The following EML5 variants were observed in gnomAD, a reference collection of about 807,000 sequenced individuals.
The protein encoded by EML5 is EMAP like 5.
EML5 carries 120 observed loss-of-function variants against 250.0 expected under a neutral mutation model. That is an observed-to-expected ratio of 0.48 (90% confidence interval 0.41 to 0.56). EML5 has a LOEUF of 0.56. Ranked by LOEUF, EML5 falls within the 20% of genes least tolerant of loss-of-function variation. The probability of loss-of-function intolerance (pLI) is 0.00; values close to 1 mark genes in which losing one functional copy is unlikely to be tolerated. For missense variants in EML5, 2,006 were observed against 2,437.6 expected (o/e 0.82, Z 3.73); for synonymous variants, 771 against 806.5 (o/e 0.96, Z 0.75).
chr14:88,674,838 G>A (rs563291082), intron 21 of EML5, among the ~76,000 whole-genome samples: 1 of 152,282 alleles, frequency 6.6e-6, no homozygotes, highest in East Asian at 1.9e-4. Flanking sequence ...ACAGGCATTG[G>A]ATAATACAGC....
Position 88,769,637 on chromosome 14 carries a change from C to CA in EML5, c.198-14967dup, listed in dbSNP as rs528100096. On this transcript the variant is annotated intron_variant, in intron 1 of 43. Coordinates refer to ENST00000554922, the MANE Select transcript of EML5 (RefSeq NM_183387.3). ...CTGAATTCAATTAAAACCTTATTTA[C>CA]AAAAAATAGGTGACACGCCAGATTG... 2.2e-4 allele frequency among the ~76,000 whole-genome samples: 33 copies of CA among 152,134 alleles called. 1 individual carries two copies. In the South Asian group the frequency reaches 6.7e-3, roughly 31 times the overall value.
At chr14:88,781,161 G>T (rs2094494105) in intron 1 of EML5, among the ~76,000 whole-genome samples, 1 of 152,286 alleles carries the variant, frequency 6.6e-6, no homozygotes, top group East Asian at 1.9e-4. Flanking sequence ...AAAGATGACT[G>T]ATACAAATAC....
chr14:88,731,208 A>G (rs9707245), intron 7 of EML5, among the ~76,000 whole-genome samples: 89,820 of 139,914 alleles, frequency 0.64, 30,590 homozygotes, highest in East Asian at 0.94. Context: ...TCCTAATGTT[A>G]TCCCTCCCCC....
At chr14:88,752,910 A>C (rs1178807244) in intron 2 of EML5, among the ~76,000 whole-genome samples, 2 of 152,148 alleles carry the variant, frequency 1.3e-5, no homozygotes, top group Admixed American at 1.3e-4. Context: ...TCCCCTCTCC[A>C]GTTCGCCATA....
chr14:88,616,218 G>T lies in EML5; in HGVS notation c.5821C>A (p.His1941Asn). The T allele has an allele frequency of 6.2e-7, 1 of 1,613,830 alleles. No individual in the cohort carries two copies. Among genetic ancestry groups the T allele is most frequent in the South Asian group, 1.1e-5 (1 of 91,034 alleles). Residue 1941 changes from histidine (H) to asparagine (N), a missense_variant, in exon 43 of 44, where the codon CAT (histidine) becomes AAT (asparagine). This residue lies in a region of EML5 where 56 missense variants were observed against 55.1 expected (regional missense o/e 1.02). Coordinates refer to ENST00000554922, the MANE Select transcript of EML5 (RefSeq NM_183387.3). ...CGAATATTTGTCACATGGGGCGAATGACCCAAGAACCTTTTGTGTTTTGCC... is the reference window on the plus strand; with the variant it reads ...CGAATATTTGTCACATGGGGCGAATTACCCAAGAACCTTTTGTGTTTTGCC... ...KFAKHKRFLG[H>N]SPHVTNIRFT...
intron 21 of EML5, among the ~76,000 whole-genome samples, chr14:88,673,117 A>C (rs951785606): frequency 2.0e-5 from 3 of 152,232 alleles, no homozygotes; most frequent in Non-Finnish European, 2.9e-5. Context: ...ATGACTGAAG[A>C]ATATTGATGC....
At chr14:88,778,267 G>A (rs2140724417) in intron 1 of EML5, among the ~76,000 whole-genome samples, 1 of 152,068 alleles carries the variant, frequency 6.6e-6, no homozygotes, top group East Asian at 1.9e-4. Context: ...TAACAAAACA[G>A]CAAGAGAAAG....
chr14:88,712,137 G>C (rs1006400616), intron 10 of EML5, 134 bp downstream of exon 10: 11 of 641,518 alleles, frequency 1.7e-5, no homozygotes, highest in Admixed American at 8.9e-5. Context: ...TTTTGAATTA[G>C]AAAAATGAAA....
chr14:88,614,361 C>T lies in EML5; in HGVS notation c.*1457G>A, dbSNP rs2087277288. ...TTAGCCCCATAATCAGTCCTTCAGC[C>T]ACAGCTATTTAGAGCTTTAAAACTA... is the stretch of plus-strand genomic sequence containing the variant. On this transcript the variant is annotated 3_prime_UTR_variant, in exon 44 of 44. Coordinates refer to ENST00000554922, the MANE Select transcript of EML5 (RefSeq NM_183387.3). 6.6e-6 allele frequency: 1 copy of T among 152,186 alleles called. No individual in the cohort carries two copies. Among genetic ancestry groups the T allele is most frequent in the South Asian group, 2.1e-4 (1 of 4,830 alleles). The allele number at this position is 152,186 out of a possible 1,614,324, so 9.4% of individuals were successfully genotyped here.
chr14:88,776,504 G>A (rs2094448194), intron 1 of EML5, among the ~76,000 whole-genome samples: 1 of 151,924 alleles, frequency 6.6e-6, no homozygotes, highest in South Asian at 2.1e-4. Flanking sequence ...TCCTTTAATA[G>A]CAGAATTGAT....
intron 16 of EML5, 102 bp downstream of exon 16, chr14:88,695,259 G>A: frequency 2.5e-6 from 2 of 804,856 alleles, no homozygotes; most frequent in Non-Finnish European, 3.9e-6. Context: ...GCAATAAAAA[G>A]TTACATATTT....
intron 14 of EML5, among the ~76,000 whole-genome samples, chr14:88,700,469 T>A (rs529027873): frequency 6.6e-6 from 1 of 152,106 alleles, no homozygotes; most frequent in Admixed American, 6.6e-5. Flanking sequence ...CCTGAGTTAT[T>A]TTCAGGAAAC....
intron 2 of EML5, among the ~76,000 whole-genome samples, chr14:88,748,246 AAAG>A (rs1295905002): frequency 1.3e-5 from 2 of 152,228 alleles, no homozygotes; most frequent in African/African-American, 4.8e-5. Flanking sequence ...GAGGTCATGC[AAAG>A]AAGAAATTCT....
chr14:88,615,780 G>C lies in EML5; in HGVS notation c.*38C>G. The C allele has an allele frequency of 1.9e-6, 3 of 1,598,790 alleles. No homozygotes were observed. The highest frequency in any genetic ancestry group is 2.6e-6 in the Non-Finnish European group (3 of 1,172,050). ...TTTGGTTTTTCTTCTCTGTAATTCT[G>C]GTCTCAAAGTTAATTTCTGTAGTCA... On this transcript the variant is annotated 3_prime_UTR_variant, in exon 44 of 44. Coordinates refer to ENST00000554922, the MANE Select transcript of EML5 (RefSeq NM_183387.3).
In EML5 at chr14:88,792,538, C is replaced by G. The variant is rs1462988823; in HGVS notation, c.-35G>C. The G allele has an allele frequency of 1.6e-6, 2 of 1,242,506 alleles. No individual in the cohort carries two copies. Among genetic ancestry groups the G allele is most frequent in the Non-Finnish European group, 2.0e-6 (2 of 988,342 alleles). 77.0% of individuals were successfully genotyped at this position (1,242,506 alleles called of 1,614,324 possible). A position where few individuals can be genotyped will look rare whatever the true frequency, so the allele number is the denominator to read the frequency against. On this transcript the variant is annotated 5_prime_UTR_variant, in exon 1 of 44. Coordinates refer to ENST00000554922, the MANE Select transcript of EML5 (RefSeq NM_183387.3). The surrounding 1 kb of genome is among the most constrained non-coding windows in gnomAD (Gnocchi z 6.9). ...CCCACCCGCCGCTCCCGCTCGGGCC[C>G]GCGGCGGCGACGGGAGGCGGCGGCG...
chr14:88,616,499 TG>T, intron 42 of EML5: 1 of 602,434 alleles, frequency 1.7e-6, no homozygotes, highest in Non-Finnish European at 2.9e-6. Flanking sequence ...ATTATAGGTT[TG>T]GTGAAAAGCT....
intron 21 of EML5, among the ~76,000 whole-genome samples, chr14:88,676,546 A>G (rs1173954150): frequency 6.6e-6 from 1 of 152,186 alleles, no homozygotes; most frequent in Non-Finnish European, 1.5e-5. Context: ...CAGCCAAACT[A>G]TATCACTGCT....
chr14:88,628,882 T>C (rs185245830), intron 33 of EML5, among the ~76,000 whole-genome samples: 16 of 152,134 alleles, frequency 1.1e-4, no homozygotes, highest in Admixed American at 2.6e-4. Context: ...CAAAGATTTA[T>C]GCAACTGTAA....
intron 10 of EML5, among the ~76,000 whole-genome samples, chr14:88,707,247 A>G (rs989535920): frequency 2.8e-4 from 43 of 151,694 alleles, no homozygotes; most frequent in African/African-American, 1.0e-3. Context: ...TTTCTTAAAA[A>G]TCTATGTGAT....
Sources: gnomAD v4.1 joint callset for allele counts (sites outside exome capture counted in the v4.1 genomes callset) on GRCh38, gnomAD v4.1.1 for gene constraint, gnomAD v4.1.1 regional missense constraint, Gnocchi (gnomAD v3.1) non-coding constraint, MANE v1.5 for transcripts, NCBI Gene and HGNC (gene_info 2026-07-23, HGNC 2026-07-21) for gene names.